The following CDH13 variants were observed in gnomAD, a reference collection of about 807,000 sequenced individuals.
CDH13 encodes cadherin-13.
Under a neutral mutation model 63.8 loss-of-function variants are expected in CDH13, and 24 were observed. The ratio of observed to expected loss-of-function variants is 0.38; its 90% confidence interval spans 0.27 to 0.53. The LOEUF (loss-of-function observed/expected upper bound fraction) is 0.53. CDH13 is among the 20% of genes least tolerant of loss of function. The pLI, the probability that CDH13 is intolerant of heterozygous loss-of-function variation, is 0.85. For synonymous variants in CDH13, 503 were observed against 355.3 expected (o/e 1.42, Z -4.67); for missense variants, 1,049 against 903.1 (o/e 1.16, Z -2.07).
At chr16:83,280,291 A>G (rs138843874) in intron 5 of CDH13, among the ~76,000 whole-genome samples, 2,194 of 152,302 alleles carry the variant, frequency 0.014, 53 homozygotes, top group African/African-American at 0.05. Context: ...TTGTCATTTC[A>G]ACTATGTTCA....
intron 6 of CDH13, among the ~76,000 whole-genome samples, chr16:83,408,436 C>T (rs986971343): frequency 1.3e-5 from 2 of 152,132 alleles, no homozygotes; most frequent in Non-Finnish European, 2.9e-5. Flanking sequence ...TATGACATTG[C>T]CTCTTGCGCC....
At chr16:83,333,900 T>G (rs1429502623) in intron 5 of CDH13, among the ~76,000 whole-genome samples, 1 of 152,238 alleles carries the variant, frequency 6.6e-6, no homozygotes, top group Non-Finnish European at 1.5e-5. Flanking sequence ...CTATGGCTGC[T>G]GTAGTAAATT....
chr16:83,524,346 G>A (rs1317294350), intron 7 of CDH13, among the ~76,000 whole-genome samples: 1 of 151,738 alleles, frequency 6.6e-6, no homozygotes, highest in Non-Finnish European at 1.5e-5. Flanking sequence ...ACATTATTAT[G>A]GGTTCTTTAC....
At chr16:83,427,375 G>C (rs984827281) in intron 6 of CDH13, among the ~76,000 whole-genome samples, 11 of 152,058 alleles carry the variant, frequency 7.2e-5, no homozygotes, top group African/African-American at 2.4e-4. Context: ...TGTGGCAATG[G>C]GGACAGCAGT....
At chr16:83,154,637 C>T (rs2037131354) in intron 4 of CDH13, among the ~76,000 whole-genome samples, 1 of 151,928 alleles carries the variant, frequency 6.6e-6, no homozygotes, top group African/African-American at 2.4e-5. Context: ...GTTACTGCAG[C>T]AGAATGTAGC....
rs544291001 is a variant in CDH13, at chr16:82,912,725, C to T, written c.157+54252C>T. On this transcript the variant is annotated intron_variant, in intron 2 of 13. Coordinates refer to ENST00000567109, the MANE Select transcript of CDH13 (RefSeq NM_001257.5). ...TTGGGAGGCCGAGGTGGGCGGATCA[C>T]GAGGTCAGGAGATCGAAACCATCCT... is the stretch of plus-strand genomic sequence containing the variant. 1.3e-4 allele frequency among the ~76,000 whole-genome samples: 20 copies of T among 152,222 alleles called. No individual in the cohort carries two copies. The East Asian group carries it at 1.6e-3, about 12-fold the overall frequency.
At chr16:83,015,515 G>A (rs1186043829) in intron 2 of CDH13, among the ~76,000 whole-genome samples, 4 of 150,800 alleles carry the variant, frequency 2.7e-5, no homozygotes, top group African/African-American at 7.3e-5. Flanking sequence ...ATAATCCAAA[G>A]GTCCTCACTT....
chr16:83,586,597 A>G (rs1906182708), intron 7 of CDH13, among the ~76,000 whole-genome samples: 1 of 152,228 alleles, frequency 6.6e-6, no homozygotes, highest in South Asian at 2.1e-4. Context: ...TAAGAGGCTT[A>G]GCCCTTGTCA....
At chr16:83,370,815 T>C (rs998550719) in intron 6 of CDH13, among the ~76,000 whole-genome samples, 1 of 152,244 alleles carries the variant, frequency 6.6e-6, no homozygotes, top group Non-Finnish European at 1.5e-5. Context: ...TTCTTTTGTA[T>C]AGCTGTGTAG....
chr16:83,099,115 A>C (rs1382154358), intron 3 of CDH13, among the ~76,000 whole-genome samples: 3 of 152,176 alleles, frequency 2.0e-5, no homozygotes, highest in Non-Finnish European at 4.4e-5. Flanking sequence ...GTGTTCATAC[A>C]TATAAGATCT....
chr16:83,709,894 G>T (rs1907742790), intron 10 of CDH13, among the ~76,000 whole-genome samples: 1 of 152,142 alleles, frequency 6.6e-6, no homozygotes, highest in Non-Finnish European at 1.5e-5. Context: ...CCTCTCTCTA[G>T]TCATTGGATT....
intron 1 of CDH13, among the ~76,000 whole-genome samples, chr16:82,657,663 T>C (rs1911454116): frequency 1.3e-5 from 2 of 152,242 alleles, no homozygotes; most frequent in South Asian, 2.1e-4. Flanking sequence ...TAGATTTATA[T>C]GTAAATATTC....
At chr16:83,617,311 A>T (rs1361845225) in intron 8 of CDH13, among the ~76,000 whole-genome samples, 1 of 152,162 alleles carries the variant, frequency 6.6e-6, no homozygotes, top group African/African-American at 2.4e-5. Context: ...TATTATATAC[A>T]ATGTTACCTG....
chr16:83,582,282 C>A (rs772496975), intron 7 of CDH13, among the ~76,000 whole-genome samples: 15 of 150,014 alleles, frequency 1.0e-4, no homozygotes, highest in African/African-American at 3.2e-4. Flanking sequence ...TGGCTTAATC[C>A]TTTTTTTTTT....
chr16:83,463,426 A>G (rs1217246375), intron 6 of CDH13, among the ~76,000 whole-genome samples: 1 of 152,168 alleles, frequency 6.6e-6, no homozygotes, highest in African/African-American at 2.4e-5. Flanking sequence ...CAGAGTGGCC[A>G]CTTTGCAGAA....
At chr16:83,693,839 C>T (rs17768659) in intron 10 of CDH13, among the ~76,000 whole-genome samples, 17,133 of 152,240 alleles carry the variant, frequency 0.11, 1,079 homozygotes, top group East Asian at 0.17. Flanking sequence ...TTTTAAGATG[C>T]TCTGCAAAGT....
chr16:83,485,924 G>C (rs955248252), intron 6 of CDH13, among the ~76,000 whole-genome samples: 6 of 152,106 alleles, frequency 3.9e-5, no homozygotes, highest in African/African-American at 1.2e-4. Context: ...AGGTGGATCA[G>C]CTGAGGTCAG....
At chr16:83,470,961 C>T (rs931040813) in intron 6 of CDH13, among the ~76,000 whole-genome samples, 2 of 152,098 alleles carry the variant, frequency 1.3e-5, no homozygotes, top group African/African-American at 2.4e-5. Flanking sequence ...TTGATTTTTC[C>T]AGCTTCTCGG....
Position 83,678,381 on chromosome 16 carries a change from G to A in CDH13, c.1458G>A (p.Arg486=). Residue 486 remains arginine, a synonymous_variant, in exon 10 of 14, where the codon AGG becomes AGA. Transcript: ENST00000567109. ...VFYPDPMMVT[R]QEDLSVGSVL... is the part of the protein sequence containing the mutation. ...ACCCAGACCCCATGATGGTGACCAG[G>A]CAGGAGGACCTCTCTGTGGGCAGCG... 3.7e-6 allele frequency: 6 copies of A among 1,613,996 alleles called. No homozygotes were observed. The highest frequency in any genetic ancestry group is 5.1e-6 in the Non-Finnish European group (6 of 1,179,912).
Sources: gnomAD v4.1 joint callset for allele counts (sites outside exome capture counted in the v4.1 genomes callset) on GRCh38, gnomAD v4.1.1 for gene constraint, MANE v1.5 for transcripts, NCBI Gene and HGNC (gene_info 2026-07-23, HGNC 2026-07-21) for gene names.